Variants in GRXCR1 observed in about 807,000 individuals in gnomAD.
The protein encoded by GRXCR1 is glutaredoxin domain-containing cysteine-rich protein 1.
Under a neutral mutation model 27.3 loss-of-function variants are expected in GRXCR1, and 27 were observed. The observed-to-expected ratio is 0.99, with a 90% CI of 0.73 to 1.37. The LOEUF (loss-of-function observed/expected upper bound fraction) is 1.37. GRXCR1 is among the 40% of genes most tolerant of loss of function. The probability of loss-of-function intolerance (pLI) is 0.00; values close to 1 mark genes in which losing one functional copy is unlikely to be tolerated. For synonymous variants in GRXCR1, 122 were observed against 131.1 expected (o/e 0.93, Z 0.47); for missense variants, 379 against 354.4 (o/e 1.07, Z -0.56).
intron 1 of GRXCR1, among the ~76,000 whole-genome samples, chr4:42,897,712 G>A (rs1746376477): frequency 1.3e-5 from 2 of 151,938 alleles, no homozygotes; most frequent in Admixed American, 1.3e-4. Context: ...ATGTCAACTG[G>A]CTACTGAGAG....
At chr4:42,915,075 C>T (rs1482914680) in intron 1 of GRXCR1, among the ~76,000 whole-genome samples, 1 of 152,118 alleles carries the variant, frequency 6.6e-6, no homozygotes, top group African/African-American at 2.4e-5. Context: ...TTCATAGCAG[C>T]ATGAGAATGA....
chr4:42,928,794 G>C (rs1747232431), intron 1 of GRXCR1, among the ~76,000 whole-genome samples: 2 of 151,930 alleles, frequency 1.3e-5, no homozygotes, highest in Admixed American at 1.3e-4. Context: ...GTGGTCCCTA[G>C]TTGTCTGATC....
chr4:43,012,315 C>G (rs201166966), intron 2 of GRXCR1, among the ~76,000 whole-genome samples: 1 of 151,416 alleles, frequency 6.6e-6, no homozygotes, highest in African/African-American at 2.4e-5. Context: ...TTCATTTTAA[C>G]AAGCCATAAA....
intron 2 of GRXCR1, among the ~76,000 whole-genome samples, chr4:42,968,778 T>C (rs1748310457): frequency 6.6e-6 from 1 of 152,116 alleles, no homozygotes; most frequent in Non-Finnish European, 1.5e-5. Flanking sequence ...AAAGAGTTTT[T>C]TTTTATTTTT....
intron 1 of GRXCR1, among the ~76,000 whole-genome samples, chr4:42,910,536 A>G (rs761903299): frequency 1.3e-5 from 2 of 152,148 alleles, no homozygotes; most frequent in Non-Finnish European, 2.9e-5. Context: ...GGAGTCAGAA[A>G]AAGCACAGGA....
At position 42,963,309 on chromosome 4, in the gene GRXCR1, G is replaced by A. The variant is rs71610038; in HGVS notation, c.627+175G>A. On this transcript the variant is annotated intron_variant, in intron 2 of 3. Coordinates refer to ENST00000399770, the MANE Select transcript of GRXCR1 (RefSeq NM_001080476.3). Reference sequence around the variant, plus strand: ...GTCCCAGACAATGAGCTGCCACAGTGCTCCTCCCTGAAGAAGTACAGTGAG... The same window carrying A: ...GTCCCAGACAATGAGCTGCCACAGTACTCCTCCCTGAAGAAGTACAGTGAG... Among the ~76,000 whole-genome samples, 7,104 of 151,946 alleles carry A rather than the reference G, an allele frequency of 0.047. 214 individuals carry two copies. Among genetic ancestry groups the A allele is most frequent in the African/African-American group, 0.078 (3,222 of 41,494 alleles).
intron 2 of GRXCR1, among the ~76,000 whole-genome samples, chr4:42,970,928 A>G (rs558929977): frequency 7.3e-4 from 111 of 152,266 alleles, no homozygotes; most frequent in Middle Eastern, 3.4e-3. Context: ...AATTTCAGAC[A>G]ATCTCTTCGT....
At chr4:42,950,508 T>C (rs1054412906) in intron 1 of GRXCR1, among the ~76,000 whole-genome samples, 3 of 152,160 alleles carry the variant, frequency 2.0e-5, no homozygotes, top group African/African-American at 7.2e-5. Context: ...TTTGACAATA[T>C]GTATAGAAGC....
At chr4:42,936,953 T>C (rs970672469) in intron 1 of GRXCR1, among the ~76,000 whole-genome samples, 7 of 151,900 alleles carry the variant, frequency 4.6e-5, no homozygotes, top group South Asian at 2.1e-4. Flanking sequence ...CTCCACTATA[T>C]AGTTACTCTT....
intron 1 of GRXCR1, among the ~76,000 whole-genome samples, chr4:42,956,323 G>T (rs949965969): frequency 6.6e-6 from 1 of 152,018 alleles, no homozygotes; most frequent in African/African-American, 2.4e-5. Context: ...TCCTTCATAC[G>T]CTATTCCCAT....
At chr4:43,011,129 T>C (rs1260713928) in intron 2 of GRXCR1, among the ~76,000 whole-genome samples, 2 of 152,180 alleles carry the variant, frequency 1.3e-5, no homozygotes, top group Non-Finnish European at 2.9e-5. Flanking sequence ...TATTCTCTTG[T>C]TTTGAAAACA....
At chr4:43,024,288 C>G (rs4611963) in intron 3 of GRXCR1, among the ~76,000 whole-genome samples, 109,055 of 148,704 alleles carry the variant, frequency 0.73, 40,633 homozygotes, top group East Asian at 0.93. Flanking sequence ...CATGAAGAAC[C>G]GAGCAAAGAT....
At chr4:42,938,189 T>C (rs772111101) in intron 1 of GRXCR1, among the ~76,000 whole-genome samples, 3 of 152,044 alleles carry the variant, frequency 2.0e-5, no homozygotes, top group African/African-American at 4.8e-5. Flanking sequence ...CTTGTCTTTC[T>C]GTGTCAGCTT....
rs202002787 is a variant in GRXCR1 at position 42,966,369 on chromosome 4, G to C, written c.627+3235G>C. On this transcript the variant is annotated intron_variant, in intron 2 of 3. Transcript: ENST00000399770. ...AGTGGGGTCTCTGGTGACAGAGAGA[G>C]GAATAGAAGGGCTATTGATAAAAAT... Among the ~76,000 whole-genome samples the C allele has an allele frequency of 9.2e-5, 14 of 151,624 alleles. No individual in the cohort carries two copies. In the South Asian group the frequency reaches 2.9e-3, roughly 31 times the overall value.
At chr4:42,943,717 T>C (rs1747677141) in intron 1 of GRXCR1, among the ~76,000 whole-genome samples, 1 of 152,066 alleles carries the variant, frequency 6.6e-6, no homozygotes, top group South Asian at 2.1e-4. Context: ...ATTCAAGAAA[T>C]ATTTTTTCAT....
At position 43,025,912 on chromosome 4, in the gene GRXCR1, C is replaced by T. The variant is rs180902994; in HGVS notation, c.694-4449C>T. ...AATGGCGTGAACCAGGGAGGCAGAG[C>T]TTGCAGTGAGCTGAGATCGTGCCAC... On this transcript the variant is annotated intron_variant, in intron 3 of 3. Coordinates refer to ENST00000399770, the MANE Select transcript of GRXCR1 (RefSeq NM_001080476.3). Among the ~76,000 whole-genome samples, 733 of 149,386 alleles carry T rather than the reference C, an allele frequency of 4.9e-3. 8 individuals are homozygous for T. The highest frequency in any genetic ancestry group is 0.015 in the African/African-American group (623 of 40,620).
At chr4:42,902,405 T>C (rs76558697) in intron 1 of GRXCR1, among the ~76,000 whole-genome samples, 10 of 152,280 alleles carry the variant, frequency 6.6e-5, no homozygotes, top group Non-Finnish European at 1.2e-4. Flanking sequence ...ACTGCATTAA[T>C]TTGCTGAGGA....
At chr4:42,950,694 T>C (rs1747862938) in intron 1 of GRXCR1, among the ~76,000 whole-genome samples, 1 of 152,176 alleles carries the variant, frequency 6.6e-6, no homozygotes, top group Non-Finnish European at 1.5e-5. Context: ...ATGTGGATTT[T>C]ACATATAATC....
chr4:43,030,195 T>C (rs1178537649), intron 3 of GRXCR1, among the ~76,000 whole-genome samples, 166 bp from the exon 4 acceptor site: 5 of 152,194 alleles, frequency 3.3e-5, no homozygotes, highest in Non-Finnish European at 7.3e-5. Flanking sequence ...ACTAATTACT[T>C]TCCTGGGTGT....
Sources: gnomAD v4.1 joint callset for allele counts (sites outside exome capture counted in the v4.1 genomes callset) on GRCh38, gnomAD v4.1.1 for gene constraint, MANE v1.5 for transcripts, NCBI Gene and HGNC (gene_info 2026-07-23, HGNC 2026-07-21) for gene names.